EXOC6B: variants seen among roughly 807,000 people sequenced by gnomAD.
EXOC6B encodes exocyst complex component 6B, also known as SEC15 homolog B.
In EXOC6B, 54 loss-of-function variants were observed where a neutral mutation model predicts 113.5. The ratio of observed to expected loss-of-function variants is 0.48; its 90% CI spans 0.38 to 0.60. The LOEUF (loss-of-function observed/expected upper bound fraction) is 0.60. Among genes scored for constraint, EXOC6B ranks in the 20% least tolerant of loss-of-function variants. The pLI is 0.00. For missense variants in EXOC6B, 797 were observed against 977.5 expected, an observed-to-expected ratio of 0.82 and a Z score of 2.46; for synonymous variants, 357 against 339.0, an observed-to-expected ratio of 1.05 and a Z score of -0.58.
chr2:72,515,614 A>C (rs1314845942), intron 8 of EXOC6B: 1 of 992,248 alleles, frequency 1.0e-6, no homozygotes, highest in African/African-American at 1.7e-5. Context: ...AATCCAGCAC[A>C]GGATTAAACC....
At chr2:72,492,173 C>G (rs1699773475) in intron 16 of EXOC6B, 145 bp downstream of exon 16, 1 of 429,088 alleles carries the variant, frequency 2.3e-6, no homozygotes, top group Non-Finnish European at 4.2e-6. Context: ...AAGAAAAGAA[C>G]AAGAGATTTC....
chr2:72,224,371 A>T (rs952492638), intron 20 of EXOC6B, among the ~76,000 whole-genome samples: 1 of 152,212 alleles, frequency 6.6e-6, no homozygotes, highest in South Asian at 2.1e-4. Flanking sequence ...GATTTCACTC[A>T]TAAACATTTA....
rs75089953 is a variant in EXOC6B, at chr2:72,288,996, G to T, written c.2196+45951C>A. On this transcript the variant is annotated intron_variant, in intron 20 of 21. Transcript: ENST00000272427. ...TGCAACTCAAAGATCTAGAAAAATG[G>T]CAGAATAATAATCCCGCCAGTTTAG... The T allele has an allele frequency of 2.4e-4, 62 of 255,862 alleles. No individual in the cohort carries two copies. In the East Asian group the frequency reaches 6.2e-3, roughly 26 times the overall value. The allele number at this position is 255,862 out of a possible 1,614,324, so 15.8% of individuals were successfully genotyped here.
At chr2:72,705,088 T>C (rs2104659014) in intron 6 of EXOC6B, among the ~76,000 whole-genome samples, 1 of 151,172 alleles carries the variant, frequency 6.6e-6, no homozygotes, top group East Asian at 1.9e-4. Flanking sequence ...AATAAAATAC[T>C]GGCAAACTGA....
chr2:72,395,798 G>A (rs1440877441), intron 18 of EXOC6B, among the ~76,000 whole-genome samples: 2 of 152,134 alleles, frequency 1.3e-5, no homozygotes, highest in African/African-American at 2.4e-5. Flanking sequence ...TGCAGATAAC[G>A]TCACCAACCT....
chr2:72,394,636 C>T (rs1692608523), intron 18 of EXOC6B, among the ~76,000 whole-genome samples: 1 of 152,128 alleles, frequency 6.6e-6, no homozygotes, highest in Non-Finnish European at 1.5e-5. Flanking sequence ...TAAAGGTTAA[C>T]TTTATCAAGT....
chr2:72,513,172 A>G lies in EXOC6B; in HGVS notation c.1127T>C (p.Met376Thr), dbSNP rs754722759. Residue 376 changes from methionine (M) to threonine (T), a missense_variant, in exon 11 of 22, where the codon ATG becomes ACG. Transcript: ENST00000272427. Reference protein sequence around the residue: ...NRAYIDELWEMALSKTIAALR... With the variant: ...NRAYIDELWETALSKTIAALR... The stretch of plus-strand genomic sequence containing the variant: ...TGCTGCGATGGTTTTTGAAAGTGCC[A>G]TTTCCCACAGTTCATCAATGTAGGC... The G allele has an allele frequency of 1.8e-5, 29 of 1,613,234 alleles. No homozygotes were observed. Among genetic ancestry groups the G allele is most frequent in the Non-Finnish European group, 2.2e-5 (26 of 1,179,458 alleles).
chr2:72,332,978 C>A (rs1688494512), intron 20 of EXOC6B, among the ~76,000 whole-genome samples: 1 of 152,026 alleles, frequency 6.6e-6, no homozygotes, highest in Non-Finnish European at 1.5e-5. Context: ...TAATGAGCTA[C>A]AGACCAAGAA....
chr2:72,584,219 TA>T (rs76375907), intron 6 of EXOC6B, among the ~76,000 whole-genome samples: 330 of 142,012 alleles, frequency 2.3e-3, no homozygotes, highest in Middle Eastern at 7.2e-3. Flanking sequence ...CAAGTAGGGT[TA>T]AAAAAAAAAA....
intron 2 of EXOC6B, among the ~76,000 whole-genome samples, chr2:72,739,009 T>G (rs1020986732): frequency 1.3e-5 from 2 of 152,234 alleles, no homozygotes; most frequent in Non-Finnish European, 2.9e-5. Flanking sequence ...GCATTTAGTT[T>G]ATAAAAATAG....
chr2:72,573,604 A>G (rs1487502876), intron 7 of EXOC6B, among the ~76,000 whole-genome samples: 3 of 152,192 alleles, frequency 2.0e-5, no homozygotes, highest in Non-Finnish European at 4.4e-5. Flanking sequence ...TAACACTCAA[A>G]AGACTTTTCT....
chr2:72,545,478 T>C (rs1702847382), intron 8 of EXOC6B, among the ~76,000 whole-genome samples: 2 of 152,200 alleles, frequency 1.3e-5, no homozygotes, highest in South Asian at 4.1e-4. Flanking sequence ...AATTTGTTTG[T>C]TATTAAATAG....
chr2:72,739,101 C>T (rs1348445993), intron 2 of EXOC6B, among the ~76,000 whole-genome samples: 1 of 152,178 alleles, frequency 6.6e-6, no homozygotes, highest in Non-Finnish European at 1.5e-5. Context: ...ATCCTCTGTA[C>T]TGTAGTTTAT....
At chr2:72,539,667 A>G (rs1412963717) in intron 8 of EXOC6B, among the ~76,000 whole-genome samples, 1 of 152,048 alleles carries the variant, frequency 6.6e-6, no homozygotes, top group Non-Finnish European at 1.5e-5. Flanking sequence ...TTTTATAGGT[A>G]TCTTATCAAG....
intron 18 of EXOC6B, among the ~76,000 whole-genome samples, chr2:72,454,311 C>T (rs1223195721): frequency 1.3e-5 from 2 of 152,066 alleles, no homozygotes; most frequent in Non-Finnish European, 2.9e-5. Context: ...CAAGACCAAC[C>T]TGGGCAACAT....
chr2:72,640,391 T>G (rs1005741676), intron 6 of EXOC6B, among the ~76,000 whole-genome samples: 2 of 152,168 alleles, frequency 1.3e-5, no homozygotes. Flanking sequence ...CTACAACTCT[T>G]TGGTGTCCTG....
At chr2:72,298,900 T>C (rs1422816672) in intron 20 of EXOC6B, among the ~76,000 whole-genome samples, 1 of 152,216 alleles carries the variant, frequency 6.6e-6, no homozygotes, top group Non-Finnish European at 1.5e-5. Flanking sequence ...GATTGTTCTC[T>C]CTGGCTGTCC....
At chr2:72,573,840 G>C (rs939575040) in intron 7 of EXOC6B, among the ~76,000 whole-genome samples, 1 of 152,150 alleles carries the variant, frequency 6.6e-6, no homozygotes, top group Non-Finnish European at 1.5e-5. Context: ...TTACGGCTGG[G>C]TGCGGTGGCT....
At chr2:72,274,462 T>C (rs956436484) in intron 20 of EXOC6B, among the ~76,000 whole-genome samples, 2 of 152,150 alleles carry the variant, frequency 1.3e-5, no homozygotes, top group African/African-American at 4.8e-5. Flanking sequence ...TGACATTTAC[T>C]TGAGATAAGG....
Sources: allele counts gnomAD v4.1 joint callset (sites outside exome capture counted in the v4.1 genomes callset), GRCh38; gene constraint gnomAD v4.1.1; transcripts MANE v1.5; gene names NCBI Gene and HGNC (gene_info 2026-07-23, HGNC 2026-07-21).